Variants in RALGPS1 observed in about 807,000 individuals in gnomAD.
RALGPS1 encodes ras-specific guanine nucleotide-releasing factor RalGPS1.
A neutral mutation model predicts 78.8 loss-of-function variants in RALGPS1; 19 were observed. The ratio of observed to expected loss-of-function variants is 0.24; its 90% confidence interval spans 0.17 to 0.35. The LOEUF is 0.35. Among genes scored for constraint, RALGPS1 ranks in the 10% least tolerant of loss-of-function variants. The pLI is 1.00. For synonymous variants in RALGPS1, 228 were observed against 256.3 expected, an observed-to-expected ratio of 0.89 and a Z score of 1.06; for missense variants, 454 against 688.3, an observed-to-expected ratio of 0.66 and a Z score of 3.81.
At chr9:127,041,031 T>TTTGTGTGTG (rs1554802019) in intron 5 of RALGPS1, among the ~76,000 whole-genome samples, 1 of 135,718 alleles carries the variant, frequency 7.4e-6, no homozygotes, top group East Asian at 2.2e-4. Flanking sequence ...CTACAAACAT[T>TTTGTGTGTG]TGTGTGTGTG....
chr9:126,921,373 C>T (rs2034736036), intron 1 of RALGPS1, among the ~76,000 whole-genome samples: 1 of 152,192 alleles, frequency 6.6e-6, no homozygotes, highest in Non-Finnish European at 1.5e-5. Context: ...CTGAAAGATA[C>T]ATTTCACCTG....
At chr9:127,042,572 G>A (rs748339179) in intron 5 of RALGPS1, among the ~76,000 whole-genome samples, 1 of 152,164 alleles carries the variant, frequency 6.6e-6, no homozygotes, top group Non-Finnish European at 1.5e-5. Flanking sequence ...ATACATAATG[G>A]TAAGACACTG....
At chr9:127,172,126 C>A (rs191568674) in intron 10 of RALGPS1, among the ~76,000 whole-genome samples, 407 of 152,264 alleles carry the variant, frequency 2.7e-3, no homozygotes, top group African/African-American at 9.2e-3. Context: ...GGAAGTAGGA[C>A]CCCCTACCTA....
In RALGPS1 at chr9:127,000,534, C is replaced by CTTTTTTTTTTTTTTTTTTTTTTT. The variant is rs1163116649; in HGVS notation, c.216+22798_216+22820dup. On this transcript the variant is annotated intron_variant, in intron 4 of 18. Coordinates refer to ENST00000259351, the MANE Select transcript of RALGPS1 (RefSeq NM_014636.3). ...TCCTGCTATTGATTTCTTGTCTTGT[C>CTTTTTTTTTTTTTTTTTTTTTTT]TTTTTTTTTTTTTTTTTTTTTTTTT... is the stretch of plus-strand genomic sequence containing the variant. Among the ~76,000 whole-genome samples the CTTTTTTTTTTTTTTTTTTTTTTT allele has an allele frequency of 4.2e-4, 14 of 33,340 alleles. 1 individual carries two copies. The highest frequency in any genetic ancestry group is 9.3e-4 in the African/African-American group (5 of 5,378). The allele number at this position is 33,340 out of a possible 152,430, so 21.9% of individuals were successfully genotyped here.
intron 14 of RALGPS1, among the ~76,000 whole-genome samples, chr9:127,201,824 G>T (rs1041310773): frequency 3.3e-5 from 5 of 152,206 alleles, no homozygotes; most frequent in Non-Finnish European, 7.3e-5. Context: ...GCCAGCACCT[G>T]CCCTGAAAGA....
chr9:127,212,857 A>C lies in RALGPS1; in HGVS notation c.1447-87A>C. Reference sequence around the variant, plus strand: ...CAGGTGGGAAGGCGGCAGGGGAGGGAGGAAGCCTTGCCTGGCCCACGTCGG... The same window carrying C: ...CAGGTGGGAAGGCGGCAGGGGAGGGCGGAAGCCTTGCCTGGCCCACGTCGG... On this transcript the variant is annotated intron_variant, in intron 16 of 18. Transcript: ENST00000259351. The surrounding 1 kb of genome is among the most constrained non-coding windows in gnomAD (Gnocchi z 6.0). The C allele has an allele frequency of 6.3e-7, 1 of 1,592,266 alleles. No individual in the cohort carries two copies. The highest frequency in any genetic ancestry group is 8.6e-7 in the Non-Finnish European group (1 of 1,166,258).
intron 1 of RALGPS1, among the ~76,000 whole-genome samples, chr9:126,944,104 C>T (rs1027130254): frequency 2.6e-5 from 4 of 152,226 alleles, no homozygotes; most frequent in African/African-American, 9.7e-5. Flanking sequence ...GTGTCTGGGT[C>T]CCTTACCATC....
At chr9:126,996,520 T>G (rs2133382646) in intron 4 of RALGPS1, among the ~76,000 whole-genome samples, 1 of 152,250 alleles carries the variant, frequency 6.6e-6, no homozygotes, top group Non-Finnish European at 1.5e-5. Context: ...TAACAGGCTC[T>G]GAAATTGAGG....
At position 127,212,662 on chromosome 9, in the gene RALGPS1, A is replaced by C; in HGVS notation, c.1389A>C (p.Ser463=). Reference sequence around the variant, plus strand: ...GGACCAGGTACTGGGTCATACTCTCAGGATCCACCCTCCTGTACTACGGAG... The same window carrying C: ...GGACCAGGTACTGGGTCATACTCTCCGGATCCACCCTCCTGTACTACGGAG... ...SSWTRYWVIL[S]GSTLLYYGAK... is the part of the protein sequence containing the mutation. Residue 463 remains serine (S), a synonymous_variant, in exon 16 of 19, where the codon TCA becomes TCC. Coordinates refer to ENST00000259351, the MANE Select transcript of RALGPS1 (RefSeq NM_014636.3). The surrounding 1 kb of genome is among the most constrained non-coding windows in gnomAD (Gnocchi z 6.0). The C allele has an allele frequency of 1.2e-6, 2 of 1,613,420 alleles. No individual in the cohort carries two copies. Among genetic ancestry groups the C allele is most frequent in the Non-Finnish European group, 1.7e-6 (2 of 1,179,542 alleles).
intron 4 of RALGPS1, among the ~76,000 whole-genome samples, chr9:127,023,348 A>G (rs952700469): frequency 1.3e-5 from 2 of 152,168 alleles, no homozygotes; most frequent in Admixed American, 6.5e-5. Flanking sequence ...CTCACTGTGG[A>G]ACCTTTCCAG....
At chr9:126,941,561 A>C (rs2131451848) in intron 1 of RALGPS1, among the ~76,000 whole-genome samples, 1 of 152,314 alleles carries the variant, frequency 6.6e-6, no homozygotes, top group Non-Finnish European at 1.5e-5. Context: ...TGAGCTGGCA[A>C]GCCTTGTCTT....
Position 127,091,825 on chromosome 9 carries a change from T to C in RALGPS1, c.610+22469T>C, listed in dbSNP as rs1351111015. 6.2e-7 allele frequency: 1 copy of C among 1,614,158 alleles called. No individual in the cohort carries two copies. The highest frequency in any genetic ancestry group is 8.5e-7 in the Non-Finnish European group (1 of 1,180,020). On this transcript the variant is annotated intron_variant, in intron 8 of 18. Transcript: ENST00000259351. This position sits in a 1 kb window ranked among gnomAD's most constrained non-coding sequence, Gnocchi z 4.3. The stretch of plus-strand genomic sequence containing the variant: ...GAAACTGGCGTATTCTGCAAAGACT[T>C]TGCGGCCGGACCAGTCCTCCATGGT...
chr9:127,144,692 C>T (rs1313663552), intron 8 of RALGPS1, among the ~76,000 whole-genome samples: 1 of 152,210 alleles, frequency 6.6e-6, no homozygotes, highest in Non-Finnish European at 1.5e-5. Flanking sequence ...AGTACCGATC[C>T]ATGCTACAAC....
chr9:127,190,659 A>G (rs2060975948), intron 11 of RALGPS1, among the ~76,000 whole-genome samples: 1 of 152,172 alleles, frequency 6.6e-6, no homozygotes, highest in South Asian at 2.1e-4. Flanking sequence ...ATTGGCATGT[A>G]GCTTGTTTCT....
chr9:126,971,491 G>GT (rs1435009384), intron 3 of RALGPS1, among the ~76,000 whole-genome samples: 1 of 151,868 alleles, frequency 6.6e-6, no homozygotes, highest in Admixed American at 6.6e-5. Flanking sequence ...ACAGAAACAT[G>GT]TTTTTTCCAA....
chr9:127,101,449 C>G (rs2053716899), intron 8 of RALGPS1, among the ~76,000 whole-genome samples: 1 of 152,228 alleles, frequency 6.6e-6, no homozygotes, highest in Non-Finnish European at 1.5e-5. Context: ...ATGAGTCCCT[C>G]AATGCTCTGT....
chr9:127,177,608 G>A (rs576311299), intron 11 of RALGPS1, among the ~76,000 whole-genome samples: 3 of 152,312 alleles, frequency 2.0e-5, no homozygotes, highest in Non-Finnish European at 2.9e-5. Context: ...CCAGGTCTGC[G>A]CTGAGCAACA....
At chr9:127,062,055 T>G (rs1429478269) in intron 7 of RALGPS1, among the ~76,000 whole-genome samples, 4 of 152,238 alleles carry the variant, frequency 2.6e-5, no homozygotes, top group African/African-American at 7.2e-5. Context: ...ATTGGATACA[T>G]GTATGTATAT....
intron 4 of RALGPS1, among the ~76,000 whole-genome samples, chr9:127,018,647 GATAATAATAATAATA>G (rs34742580): frequency 2.7e-5 from 4 of 147,050 alleles, no homozygotes; most frequent in Non-Finnish European, 6.0e-5. Flanking sequence ...TAATAATGAT[GATAATAATAATAATA>G]ATAATAATAA....
Sources: gnomAD v4.1 joint callset for allele counts (sites outside exome capture counted in the v4.1 genomes callset) on GRCh38, gnomAD v4.1.1 for gene constraint, Gnocchi (gnomAD v3.1) non-coding constraint, MANE v1.5 for transcripts, NCBI Gene and HGNC (gene_info 2026-07-23, HGNC 2026-07-21) for gene names.